Variants in SNTB2 observed in about 807,000 individuals in gnomAD.
SNTB2 encodes syntrophin beta 2.
In SNTB2, 34 loss-of-function variants were observed where a neutral mutation model predicts 46.2. The ratio of observed to expected loss-of-function variants is 0.74; its 90% CI spans 0.56 to 0.98. SNTB2 has a LOEUF of 0.98. Ranked by LOEUF, SNTB2 falls within the 50% of genes least tolerant of loss-of-function variation. The pLI, the probability that SNTB2 is intolerant of heterozygous loss-of-function variation, is 0.00. For synonymous variants in SNTB2, 290 were observed against 312.6 expected, an observed-to-expected ratio of 0.93 and a Z score of 0.76; for missense variants, 603 against 731.4, an observed-to-expected ratio of 0.82 and a Z score of 2.02.
chr16:69,227,400 A>C (rs894010942), intron 1 of SNTB2, among the ~76,000 whole-genome samples: 38 of 152,208 alleles, frequency 2.5e-4, no homozygotes, highest in Non-Finnish European at 5.3e-4. Flanking sequence ...AGTGGGGTTC[A>C]CCTTGCTTTA....
intron 2 of SNTB2, among the ~76,000 whole-genome samples, chr16:69,257,606 C>T (rs908373878): frequency 1.3e-5 from 2 of 151,946 alleles, no homozygotes; most frequent in Admixed American, 6.6e-5. Context: ...CCACCACGCC[C>T]GGCTAATTTT....
At chr16:69,279,132 C>A (rs1401549368) in intron 4 of SNTB2, among the ~76,000 whole-genome samples, 1 of 152,104 alleles carries the variant, frequency 6.6e-6, no homozygotes. Context: ...CTTTATCTTG[C>A]AAAACAAACT....
At chr16:69,278,457 GTTT>G (rs34221812) in intron 4 of SNTB2, among the ~76,000 whole-genome samples, 1 of 140,300 alleles carries the variant, frequency 7.1e-6, no homozygotes, top group Non-Finnish European at 1.6e-5. Context: ...TTTTTGTAGG[GTTT>G]TTTTTTTTTT....
intron 4 of SNTB2, among the ~76,000 whole-genome samples, chr16:69,275,097 C>T (rs992434225): frequency 6.7e-6 from 1 of 149,272 alleles, no homozygotes; most frequent in Non-Finnish European, 1.5e-5. Context: ...TTCTGACGAA[C>T]TCTCACTCTG....
intron 3 of SNTB2, among the ~76,000 whole-genome samples, chr16:69,266,385 A>G (rs1003602002): frequency 6.6e-6 from 1 of 152,162 alleles, no homozygotes; most frequent in African/African-American, 2.4e-5. Context: ...AAAACAAAAC[A>G]AAACAAAAAA....
chr16:69,293,935 A>G (rs537820922), intron 5 of SNTB2, among the ~76,000 whole-genome samples: 2 of 152,322 alleles, frequency 1.3e-5, no homozygotes, highest in East Asian at 3.9e-4. Context: ...TTTGGGCCAT[A>G]GACATCCCTG....
intron 2 of SNTB2, among the ~76,000 whole-genome samples, chr16:69,256,190 A>C (rs983662828): frequency 2.0e-5 from 3 of 152,082 alleles, no homozygotes; most frequent in Non-Finnish European, 2.9e-5. Context: ...CGTCTCAAAA[A>C]AAAAAGTTTT....
chr16:69,259,602 C>CT (rs746479723), intron 2 of SNTB2, among the ~76,000 whole-genome samples: 6,831 of 120,612 alleles, frequency 0.057, 248 homozygotes, highest in South Asian at 0.11. Context: ...GAGAAAGTAT[C>CT]TTTTTTTTTT....
At chr16:69,228,569 A>T (rs1964479554) in intron 1 of SNTB2, among the ~76,000 whole-genome samples, 1 of 151,520 alleles carries the variant, frequency 6.6e-6, no homozygotes, top group South Asian at 2.1e-4. Flanking sequence ...AAGTGAAATT[A>T]TTTGTCCAAA....
Position 69,300,822 on chromosome 16 carries a change from T to C in SNTB2, c.1531-10T>C. 1 of 1,598,070 alleles carries C rather than the reference T, an allele frequency of 6.3e-7. No individual in the cohort carries two copies. Among genetic ancestry groups the C allele is most frequent in the Non-Finnish European group, 8.6e-7 (1 of 1,165,766 alleles). On this transcript the variant is annotated splice_polypyrimidine_tract_variant and intron_variant, in intron 6 of 6. Coordinates refer to ENST00000336278, the MANE Select transcript of SNTB2 (RefSeq NM_006750.4). Reference sequence around the variant, plus strand: ...GTGAGGTAGTGATGCTTAGTGTCCTTTCTCCACAGACCATGGACCTGCACT... The same window carrying C: ...GTGAGGTAGTGATGCTTAGTGTCCTCTCTCCACAGACCATGGACCTGCACT...
At position 69,272,020 on chromosome 16, in the gene SNTB2, G is replaced by T. The variant is rs576402999; in HGVS notation, c.1148+1735G>T. On this transcript the variant is annotated intron_variant, in intron 4 of 6. Transcript: ENST00000336278. Reference sequence around the variant, plus strand: ...TTTAAGAGCTAAAACTATAAAACTCGTAGAATAAAATATAGTAGATCTTCA... The same window carrying T: ...TTTAAGAGCTAAAACTATAAAACTCTTAGAATAAAATATAGTAGATCTTCA... Among the ~76,000 whole-genome samples the T allele has an allele frequency of 7.9e-5, 12 of 152,240 alleles. No individual in the cohort carries two copies. The East Asian group carries it at 2.3e-3, about 29-fold the overall frequency.
At chr16:69,208,863 G>A (rs1285070084) in intron 1 of SNTB2, among the ~76,000 whole-genome samples, 1 of 151,910 alleles carries the variant, frequency 6.6e-6, no homozygotes, top group Non-Finnish European at 1.5e-5. Context: ...TCTGGAGTAC[G>A]AGAACCAGAA....
At chr16:69,279,473 T>C (rs1383682614) in intron 4 of SNTB2, among the ~76,000 whole-genome samples, 4 of 151,852 alleles carry the variant, frequency 2.6e-5, no homozygotes, top group African/African-American at 9.7e-5. Flanking sequence ...AGATCTTGTT[T>C]TGAGATCTTT....
intron 3 of SNTB2, among the ~76,000 whole-genome samples, chr16:69,267,030 C>CTTTTTT (rs766798193): frequency 2.1e-5 from 3 of 142,858 alleles, no homozygotes; most frequent in Non-Finnish European, 3.1e-5. Context: ...ATCAGTTTAT[C>CTTTTTT]TTTTTTTTTT....
At chr16:69,193,629 C>G (rs1160587962) in intron 1 of SNTB2, among the ~76,000 whole-genome samples, 2 of 151,940 alleles carry the variant, frequency 1.3e-5, no homozygotes, top group African/African-American at 4.8e-5. Context: ...ATGTCCAGCC[C>G]AGACTTATTT....
In SNTB2 at chr16:69,303,784, A is replaced by T. The variant is rs982723459; in HGVS notation, c.*2860A>T. ...ATGATAAATATGTATTTATATTTAG[A>T]TGCCAAAGTATGGCAAATTATTTCC... On this transcript the variant is annotated 3_prime_UTR_variant, in exon 7 of 7. Transcript: ENST00000336278. 6.5e-6 allele frequency: 1 copy of T among 152,686 alleles called. No individual in the cohort carries two copies. Among genetic ancestry groups the T allele is most frequent in the African/African-American group, 2.4e-5 (1 of 41,458 alleles). 9.5% of individuals were successfully genotyped at this position (152,686 alleles called of 1,614,324 possible).
chr16:69,269,153 G>A (rs983508772), intron 3 of SNTB2, among the ~76,000 whole-genome samples: 1 of 151,508 alleles, frequency 6.6e-6, no homozygotes, highest in Non-Finnish European at 1.5e-5. Flanking sequence ...TGGGCAACAA[G>A]AGCGAAACTC....
At chr16:69,266,237 G>C in intron 3 of SNTB2, among the ~76,000 whole-genome samples, 1 of 152,160 alleles carries the variant, frequency 6.6e-6, no homozygotes, top group Middle Eastern at 3.4e-3. Flanking sequence ...GGTGGCGGAC[G>C]CCTGTAATCC....
intron 2 of SNTB2, among the ~76,000 whole-genome samples, chr16:69,257,363 C>T (rs1031153255): frequency 6.6e-6 from 1 of 151,866 alleles, no homozygotes; most frequent in Non-Finnish European, 1.5e-5. Context: ...CTCTGAGTAA[C>T]ATGAACTTTC....
Sources: allele counts gnomAD v4.1 joint callset (sites outside exome capture counted in the v4.1 genomes callset), GRCh38; gene constraint gnomAD v4.1.1; transcripts MANE v1.5; gene names NCBI Gene and HGNC (gene_info 2026-07-23, HGNC 2026-07-21).